Variants in PDZD2 observed in about 807,000 individuals in gnomAD.
PDZD2 encodes the protein PDZ domain-containing protein 2.
Under a neutral mutation model 220.7 loss-of-function variants are expected in PDZD2, and 90 were observed. The observed-to-expected ratio is 0.41, with a 90% CI of 0.34 to 0.49. PDZD2 has a LOEUF of 0.49. Ranked by LOEUF, PDZD2 falls within the 20% of genes least tolerant of loss-of-function variation. The pLI is 0.28. For missense variants in PDZD2, 3,174 were observed against 3,608.5 expected (o/e 0.88, Z 3.08); for synonymous variants, 1,375 against 1,450.5 (o/e 0.95, Z 1.18).
At chr5:32,039,025 C>T (rs1755792862) in intron 7 of PDZD2, among the ~76,000 whole-genome samples, 1 of 152,176 alleles carries the variant, frequency 6.6e-6, no homozygotes, top group African/African-American at 2.4e-5. Context: ...CCGCACTGCT[C>T]CAAGTTTATT....
chr5:31,656,113 T>G (rs1213770480), intron 1 of PDZD2, among the ~76,000 whole-genome samples: 1 of 152,228 alleles, frequency 6.6e-6, no homozygotes, highest in Non-Finnish European at 1.5e-5. Context: ...ATCCGACTTT[T>G]GTCTCTACGT....
chr5:31,908,536 A>G (rs1742891987), intron 2 of PDZD2: 4 of 1,064,634 alleles, frequency 3.8e-6, no homozygotes, highest in Non-Finnish European at 5.5e-6. Flanking sequence ...GGGCGAGGGC[A>G]CGGAAAGCAC....
At chr5:31,645,958 G>A (rs908194320) in intron 1 of PDZD2, among the ~76,000 whole-genome samples, 7 of 151,918 alleles carry the variant, frequency 4.6e-5, no homozygotes, top group African/African-American at 9.7e-5. Flanking sequence ...GAAGGGGGTG[G>A]GGAACTGGGC....
intron 1 of PDZD2, among the ~76,000 whole-genome samples, chr5:31,662,465 T>A (rs1745805187): frequency 6.6e-6 from 1 of 152,234 alleles, no homozygotes; most frequent in Non-Finnish European, 1.5e-5. Context: ...CAGTGGCTTA[T>A]AAATAAAATA....
intron 14 of PDZD2, among the ~76,000 whole-genome samples, chr5:32,068,686 A>G (rs1740444941): frequency 6.6e-6 from 1 of 152,196 alleles, no homozygotes; most frequent in Non-Finnish European, 1.5e-5. Flanking sequence ...ACAGTCATCA[A>G]TGTTGCATTT....
chr5:32,075,860 G>C (rs161548), intron 18 of PDZD2, among the ~76,000 whole-genome samples: 2 of 151,812 alleles, frequency 1.3e-5, no homozygotes, highest in Non-Finnish European at 2.9e-5. Context: ...GGCAAAAGTC[G>C]TTTTTTTAAC....
intron 1 of PDZD2, among the ~76,000 whole-genome samples, chr5:31,653,046 G>T (rs1413736134): frequency 2.0e-5 from 3 of 151,874 alleles, no homozygotes; most frequent in African/African-American, 7.3e-5. Context: ...AAAAAAACAC[G>T]GTGAGCCTCC....
chr5:32,002,725 AAC>A (rs1363958553), intron 5 of PDZD2, among the ~76,000 whole-genome samples: 7 of 97,734 alleles, frequency 7.2e-5, no homozygotes, highest in South Asian at 8.0e-4. Flanking sequence ...CCCACACACC[AAC>A]ACACACACCC....
At chr5:31,678,956 G>A (rs1746549699) in intron 1 of PDZD2, among the ~76,000 whole-genome samples, 2 of 152,026 alleles carry the variant, frequency 1.3e-5, no homozygotes, top group Non-Finnish European at 2.9e-5. Context: ...GGGAAAAATA[G>A]CTAGGGTCCC....
intron 2 of PDZD2, chr5:31,854,820 T>G (rs1005556353): frequency 9.3e-6 from 2 of 215,078 alleles, no homozygotes; most frequent in Non-Finnish European, 1.6e-5. Flanking sequence ...TGGAATGCCG[T>G]GGGGTTTTGA....
At chr5:31,675,147 T>C (rs940732720) in intron 1 of PDZD2, among the ~76,000 whole-genome samples, 1 of 122,866 alleles carries the variant, frequency 8.1e-6, no homozygotes, top group African/African-American at 3.1e-5. Flanking sequence ...TAAAAGATGA[T>C]AGATAACAGG....
At chr5:31,911,563 G>A (rs188100713) in intron 2 of PDZD2, among the ~76,000 whole-genome samples, 6 of 152,318 alleles carry the variant, frequency 3.9e-5, no homozygotes, top group Non-Finnish European at 7.3e-5. Flanking sequence ...TTTTCTTGCC[G>A]AGTCTGGCAG....
intron 24 of PDZD2, among the ~76,000 whole-genome samples, chr5:32,102,995 C>G (rs1169504044): frequency 6.6e-6 from 1 of 151,964 alleles, no homozygotes; most frequent in Non-Finnish European, 1.5e-5. Context: ...AAAAAATAGA[C>G]TAAATCCATG....
intron 2 of PDZD2, among the ~76,000 whole-genome samples, chr5:31,970,310 A>T (rs10940987): frequency 1.3e-5 from 2 of 152,112 alleles, no homozygotes; most frequent in Non-Finnish European, 2.9e-5. Context: ...AGTGAGGTAG[A>T]TTTTGGTTAT....
At position 31,913,963 on chromosome 5, in the gene PDZD2, C is replaced by A. The variant is rs368548012; in HGVS notation, c.477-69192C>A. 9.9e-5 allele frequency among the ~76,000 whole-genome samples: 15 copies of A among 152,220 alleles called. No homozygotes were observed. In the East Asian group the frequency reaches 2.5e-3, roughly 25 times the overall value. On this transcript the variant is annotated intron_variant, in intron 2 of 24. Transcript: ENST00000438447. ...CTCCCCTACCCCCAGCACACACTCT[C>A]TACTGCTAAAAGCTAGAGCCAGATG...
intron 5 of PDZD2, among the ~76,000 whole-genome samples, chr5:32,006,624 A>G (rs1752827353): frequency 6.7e-6 from 1 of 149,858 alleles, no homozygotes; most frequent in Non-Finnish European, 1.5e-5. Flanking sequence ...CGATCTGCCT[A>G]CCTAGGACTC....
intron 1 of PDZD2, among the ~76,000 whole-genome samples, chr5:31,671,904 GGGGT>G (rs1746231332): frequency 6.6e-6 from 1 of 152,168 alleles, no homozygotes; most frequent in South Asian, 2.1e-4. Flanking sequence ...CTCACCTGGA[GGGGT>G]GGAGCTCTAG....
At chr5:31,829,155 T>C (rs1285185276) in intron 2 of PDZD2, among the ~76,000 whole-genome samples, 1 of 152,178 alleles carries the variant, frequency 6.6e-6, no homozygotes. Flanking sequence ...TTGGCTAACT[T>C]CCAGAGTTCT....
At chr5:31,735,885 C>A (rs1279885173) in intron 1 of PDZD2, among the ~76,000 whole-genome samples, 1 of 152,178 alleles carries the variant, frequency 6.6e-6, no homozygotes, top group African/African-American at 2.4e-5. Context: ...GCAGAGGTTG[C>A]AGTGAGCCAA....
Sources: allele counts gnomAD v4.1 joint callset (sites outside exome capture counted in the v4.1 genomes callset), GRCh38; gene constraint gnomAD v4.1.1; transcripts MANE v1.5; gene names NCBI Gene and HGNC (gene_info 2026-07-23, HGNC 2026-07-21).